Variants in EPB41L2 observed in about 807,000 individuals in gnomAD.
EPB41L2 encodes the protein band 4.1-like protein 2.
In EPB41L2, 43 loss-of-function variants were observed where a neutral mutation model predicts 113.0. That is an observed-to-expected ratio of 0.38 (90% CI 0.30 to 0.49). The LOEUF (loss-of-function observed/expected upper bound fraction) is 0.49, where lower values mean the gene tolerates loss of function less well. Ranked by LOEUF, EPB41L2 falls within the 20% of genes least tolerant of loss-of-function variation. The pLI is 0.95. For missense variants in EPB41L2, 1,147 were observed against 1,223.4 expected, an observed-to-expected ratio of 0.94 and a Z score of 0.93; for synonymous variants, 442 against 436.7, an observed-to-expected ratio of 1.01 and a Z score of -0.15.
At chr6:130,954,576 A>G (rs1429845550) in intron 3 of EPB41L2, among the ~76,000 whole-genome samples, 1 of 152,154 alleles carries the variant, frequency 6.6e-6, no homozygotes, top group African/African-American at 2.4e-5. Flanking sequence ...AAAGCAACAA[A>G]CTCTTCTGAT....
At chr6:130,927,251 T>C (rs534596303) in intron 3 of EPB41L2, among the ~76,000 whole-genome samples, 6 of 152,176 alleles carry the variant, frequency 3.9e-5, no homozygotes, top group Non-Finnish European at 8.8e-5. Flanking sequence ...GTTCGCTCCT[T>C]GGGATAAATT....
intron 1 of EPB41L2, among the ~76,000 whole-genome samples, chr6:131,029,563 CTAT>C (rs1419799582): frequency 5.3e-5 from 8 of 152,146 alleles, no homozygotes; most frequent in Non-Finnish European, 1.2e-4. Context: ...AACATTAGAA[CTAT>C]CACAGCTCTA....
chr6:130,896,288 A>T (rs1334013532), intron 8 of EPB41L2, among the ~76,000 whole-genome samples: 1 of 152,252 alleles, frequency 6.6e-6, no homozygotes, highest in Non-Finnish European at 1.5e-5. Flanking sequence ...GAGCCATTTT[A>T]AAAAATCCAA....
At chr6:131,033,038 G>A (rs982100509) in intron 1 of EPB41L2, among the ~76,000 whole-genome samples, 2 of 152,056 alleles carry the variant, frequency 1.3e-5, no homozygotes, top group African/African-American at 4.8e-5. Flanking sequence ...ACCACACCTG[G>A]CTAATTTTTG....
intron 12 of EPB41L2, among the ~76,000 whole-genome samples, chr6:130,884,403 T>C (rs1790268158): frequency 6.6e-6 from 1 of 152,230 alleles, no homozygotes; most frequent in Admixed American, 6.5e-5. Flanking sequence ...TGTTTTTATC[T>C]GTGCTTACTT....
chr6:130,978,903 A>G (rs558113702), intron 1 of EPB41L2: 3 of 152,194 alleles, frequency 2.0e-5, no homozygotes, highest in Non-Finnish European at 4.4e-5. Flanking sequence ...TACTGGGCTT[A>G]TTATAAGTGG....
At chr6:130,900,507 C>T (rs1313484780) in intron 7 of EPB41L2, among the ~76,000 whole-genome samples, 2 of 152,214 alleles carry the variant, frequency 1.3e-5, no homozygotes, top group South Asian at 2.1e-4. Flanking sequence ...ATCACCTGTA[C>T]ATTTCAGTTA....
intron 1 of EPB41L2, among the ~76,000 whole-genome samples, chr6:130,980,402 T>C (rs938419050): frequency 2.0e-5 from 3 of 151,694 alleles, no homozygotes; most frequent in African/African-American, 7.3e-5. Context: ...ATGAATGGCA[T>C]GTAGTTCAAA....
chr6:130,909,592 A>T (rs926779365), intron 4 of EPB41L2, among the ~76,000 whole-genome samples: 1 of 152,216 alleles, frequency 6.6e-6, no homozygotes, highest in Non-Finnish European at 1.5e-5. Context: ...AAGGAAGTCA[A>T]ATTGTCTCTG....
intron 1 of EPB41L2, among the ~76,000 whole-genome samples, chr6:131,059,438 C>A (rs183794285): frequency 2.8e-4 from 43 of 152,350 alleles, no homozygotes; most frequent in African/African-American, 9.9e-4. Context: ...ACTCTAATAG[C>A]TAACTTGGAG....
At chr6:130,924,001 G>A (rs1244891730) in intron 4 of EPB41L2, among the ~76,000 whole-genome samples, 3 of 151,922 alleles carry the variant, frequency 2.0e-5, no homozygotes, top group Admixed American at 6.6e-5. Flanking sequence ...CCAGCCCCTA[G>A]CAACCACCAT....
At chr6:130,954,204 C>T (rs1007164501) in intron 3 of EPB41L2, among the ~76,000 whole-genome samples, 2 of 151,784 alleles carry the variant, frequency 1.3e-5, no homozygotes, top group Non-Finnish European at 2.9e-5. Context: ...TGGCGCCCGC[C>T]ACTACGCCTG....
chr6:130,848,448 A>G (rs939623732), intron 19 of EPB41L2, among the ~76,000 whole-genome samples: 4 of 152,214 alleles, frequency 2.6e-5, no homozygotes, highest in African/African-American at 9.6e-5. Flanking sequence ...AACCCAATAT[A>G]TCCAAATTAT....
chr6:130,855,060 A>T (rs980534018), intron 19 of EPB41L2, among the ~76,000 whole-genome samples: 4 of 151,750 alleles, frequency 2.6e-5, no homozygotes, highest in Non-Finnish European at 5.9e-5. Flanking sequence ...AAATAAAACC[A>T]TTAGGGGGCC....
At position 130,839,962 on chromosome 6, in the gene EPB41L2, G is replaced by A. The variant is rs1302812056; in HGVS notation, c.*642C>T. On this transcript the variant is annotated 3_prime_UTR_variant, in exon 20 of 20. Coordinates refer to ENST00000337057, the MANE Select transcript of EPB41L2 (RefSeq NM_001431.4). ...CAGAGATTCTGACTCTCTACTAAAA[G>A]TAGAAAGTCACAGGACTGGAAAGTC... The A allele has an allele frequency of 1.3e-5, 2 of 152,294 alleles. No individual in the cohort carries two copies. Among genetic ancestry groups the A allele is most frequent in the East Asian group, 3.9e-4 (2 of 5,186 alleles). The allele number at this position is 152,294 out of a possible 1,614,324, so 9.4% of individuals were successfully genotyped here. A position where few individuals can be genotyped will look rare whatever the true frequency, so the allele number is the denominator to read the frequency against.
At chr6:130,844,419 A>T (rs937650309) in intron 19 of EPB41L2, among the ~76,000 whole-genome samples, 1 of 152,000 alleles carries the variant, frequency 6.6e-6, no homozygotes, top group African/African-American at 2.4e-5. Flanking sequence ...AATACAAAAA[A>T]AAATTAGCTG....
rs116432837 is a variant in EPB41L2, at chr6:130,866,178, G to A, written c.2731-544C>T. Among the ~76,000 whole-genome samples the A allele has an allele frequency of 3.6e-3, 553 of 152,132 alleles. 1 individual carries two copies. Among genetic ancestry groups the A allele is most frequent in the African/African-American group, 0.013 (533 of 41,480 alleles). ...GTTTGCATGTTGTGAGCATATATAC[G>A]GGCACATATATTTCAATACTGCACA... On this transcript the variant is annotated intron_variant, in intron 16 of 19. Coordinates refer to ENST00000337057, the MANE Select transcript of EPB41L2 (RefSeq NM_001431.4).
intron 1 of EPB41L2, among the ~76,000 whole-genome samples, chr6:131,051,930 TG>T (rs1206430543): frequency 7.9e-6 from 1 of 127,380 alleles, no homozygotes; most frequent in Non-Finnish European, 1.6e-5. Flanking sequence ...TGTGCTGTGT[TG>T]ATTTTTTTTT....
chr6:130,897,555 T>A (rs1795030837), intron 8 of EPB41L2, among the ~76,000 whole-genome samples: 1 of 152,220 alleles, frequency 6.6e-6, no homozygotes, highest in Non-Finnish European at 1.5e-5. Context: ...AGAATTGGTT[T>A]CTAACTAACA....
Sources: allele counts gnomAD v4.1 joint callset (sites outside exome capture counted in the v4.1 genomes callset), GRCh38; gene constraint gnomAD v4.1.1; transcripts MANE v1.5; gene names NCBI Gene and HGNC (gene_info 2026-07-23, HGNC 2026-07-21).